SEMA3D: variants seen among roughly 807,000 people sequenced by gnomAD.
SEMA3D encodes semaphorin 3D, also known as semaphorin-3D.
Under a neutral mutation model 100.1 loss-of-function variants are expected in SEMA3D, and 84 were observed. The ratio of observed to expected loss-of-function variants is 0.84; its 90% CI spans 0.70 to 1.01. The LOEUF (loss-of-function observed/expected upper bound fraction) is 1.01, where lower values mean the gene tolerates loss of function less well. Among genes scored for constraint, SEMA3D ranks in the 50% least tolerant of loss-of-function variants. The pLI is 0.00. For synonymous variants in SEMA3D, 312 were observed against 320.7 expected (o/e 0.97, Z 0.29); for missense variants, 875 against 934.1 (o/e 0.94, Z 0.82).
At chr7:85,064,833 T>C (rs955082871) in intron 8 of SEMA3D, among the ~76,000 whole-genome samples, 1 of 152,138 alleles carries the variant, frequency 6.6e-6, no homozygotes, top group Non-Finnish European at 1.5e-5. Context: ...AATTTGAAAC[T>C]CAAAATATTG....
intron 4 of SEMA3D, among the ~76,000 whole-genome samples, chr7:85,090,714 C>T (rs978383057): frequency 6.6e-6 from 1 of 152,042 alleles, no homozygotes; most frequent in Admixed American, 6.6e-5. Flanking sequence ...GAACATCATT[C>T]TGATTTATAA....
At chr7:85,151,092 C>A (rs1438375929) in intron 2 of SEMA3D, among the ~76,000 whole-genome samples, 1 of 147,130 alleles carries the variant, frequency 6.8e-6, no homozygotes, top group Non-Finnish European at 1.5e-5. Flanking sequence ...TAAAAAAAAT[C>A]CACACACACA....
At position 85,138,639 on chromosome 7, in the gene SEMA3D, TATATATATTTAATTTA is replaced by T. The variant is rs538982280; in HGVS notation, c.-41+14953_-41+14968del. ...ATAATTTATAATATATAAATTAAAT[TATATATATTTAATTTA>T]ATATATATATTAAATTAAATATATA... On this transcript the variant is annotated intron_variant, in intron 2 of 18. Transcript: ENST00000284136. Among the ~76,000 whole-genome samples the T allele has an allele frequency of 1.2e-3, 142 of 115,438 alleles. 1 individual carries two copies. The East Asian group carries it at 0.024, about 20-fold the overall frequency. The allele number at this position is 115,438 out of a possible 152,430, so 75.7% of individuals were successfully genotyped here.
chr7:85,136,343 A>G (rs2116448578), intron 2 of SEMA3D, among the ~76,000 whole-genome samples: 1 of 152,220 alleles, frequency 6.6e-6, no homozygotes, highest in East Asian at 1.9e-4. Flanking sequence ...TGACTTCTGT[A>G]CTATTTTACT....
intron 1 of SEMA3D, among the ~76,000 whole-genome samples, chr7:85,171,791 G>T (rs998751154): frequency 4.6e-5 from 7 of 151,888 alleles, no homozygotes; most frequent in Non-Finnish European, 5.9e-5. Flanking sequence ...AGGAATGAGT[G>T]AATTTATATA....
chr7:85,042,606 A>AT lies in SEMA3D; in HGVS notation c.862-322dup, dbSNP rs201293147. On this transcript the variant is annotated intron_variant, in intron 9 of 18. Coordinates refer to ENST00000284136, the MANE Select transcript of SEMA3D (RefSeq NM_001384900.1). ...TTTGCTTCATGACCTGCAAGAGACTATTTTTTTTAAGTCTCTGTTTTCTCA... is the reference window on the plus strand; with the variant it reads ...TTTGCTTCATGACCTGCAAGAGACTATTTTTTTTTAAGTCTCTGTTTTCTCA... Among the ~76,000 whole-genome samples, 185 of 152,136 alleles carry AT rather than the reference A, an allele frequency of 1.2e-3. 1 individual carries two copies. Among genetic ancestry groups the AT allele is most frequent in the Non-Finnish European group, 2.1e-3 (142 of 67,970 alleles).
At chr7:85,014,285 T>C (rs1790036471) in intron 16 of SEMA3D, among the ~76,000 whole-genome samples, 1 of 151,814 alleles carries the variant, frequency 6.6e-6, no homozygotes, top group African/African-American at 2.4e-5. Context: ...CTTTAGAAAA[T>C]AATGTTACTA....
chr7:85,102,688 G>T (rs1056137176), intron 3 of SEMA3D, among the ~76,000 whole-genome samples: 1 of 151,982 alleles, frequency 6.6e-6, no homozygotes, highest in Non-Finnish European at 1.5e-5. Context: ...GGAAAGGTGG[G>T]GTCAGGAAGA....
At chr7:85,208,280 G>A in the SEMA3D span, among the ~76,000 whole-genome samples, 1,149 of 151,788 alleles carry the variant, frequency 7.6e-3, 13 homozygotes, top group African/African-American at 0.027. Flanking sequence ...AAATTTAAAC[G>A]TCTCTGAATG....
At chr7:85,154,188 C>G (rs1790515289) in intron 1 of SEMA3D, among the ~76,000 whole-genome samples, 1 of 151,926 alleles carries the variant, frequency 6.6e-6, no homozygotes, top group South Asian at 2.1e-4. Flanking sequence ...TTTCCTGTGC[C>G]TGCTAAACTA....
At position 85,106,196 on chromosome 7, in the gene SEMA3D, C is replaced by T. The variant is rs371642750; in HGVS notation, c.152-8231G>A. ...AAAGTTGAGAGTATCATTCTGAGCA[C>T]GATTGATACTACTTTTACAATTGCT... On this transcript the variant is annotated intron_variant, in intron 3 of 18. Transcript: ENST00000284136. Among the ~76,000 whole-genome samples the T allele has an allele frequency of 3.3e-5, 5 of 152,060 alleles. No individual in the cohort carries two copies. In the East Asian group the frequency reaches 7.8e-4, roughly 24 times the overall value.
chr7:85,245,937 T>A, the SEMA3D span, among the ~76,000 whole-genome samples: 1 of 152,018 alleles, frequency 6.6e-6, no homozygotes, highest in Non-Finnish European at 1.5e-5. Flanking sequence ...AACAAGTAAA[T>A]CTGCTGGAAA....
intron 7 of SEMA3D, among the ~76,000 whole-genome samples, chr7:85,066,591 T>G (rs1791627697): frequency 6.6e-6 from 1 of 152,000 alleles, no homozygotes; most frequent in African/African-American, 2.4e-5. Flanking sequence ...CTCTACTATT[T>G]CAAGAAACTT....
intron 1 of SEMA3D, among the ~76,000 whole-genome samples, chr7:85,165,459 A>T (rs1161724493): frequency 6.6e-6 from 1 of 152,076 alleles, no homozygotes; most frequent in Non-Finnish European, 1.5e-5. Context: ...ACACGGGCTA[A>T]ACTGCAAAGT....
At chr7:85,057,442 G>A (rs557868771) in intron 8 of SEMA3D, among the ~76,000 whole-genome samples, 28 of 152,136 alleles carry the variant, frequency 1.8e-4, no homozygotes, top group Non-Finnish European at 3.1e-4. Context: ...AGAAGCAAGA[G>A]AAAAGAGAAG....
At chr7:85,157,753 G>T in intron 1 of SEMA3D, 1 of 413,124 alleles carries the variant, frequency 2.4e-6, no homozygotes, top group Non-Finnish European at 3.3e-6. Flanking sequence ...CAGTCTTCAC[G>T]TTTTCACTTC....
intron 1 of SEMA3D, among the ~76,000 whole-genome samples, chr7:85,163,523 C>A (rs770819901): frequency 6.6e-5 from 10 of 151,914 alleles, no homozygotes; most frequent in Admixed American, 1.3e-4. Flanking sequence ...AATCAACTCT[C>A]CAACAGAAAG....
the SEMA3D span, among the ~76,000 whole-genome samples, chr7:85,201,004 G>A: frequency 6.6e-6 from 1 of 152,154 alleles, no homozygotes; most frequent in Non-Finnish European, 1.5e-5. Flanking sequence ...TATTTGCCTA[G>A]ACCAGCAATA....
chr7:85,171,769 T>A (rs1258951682), intron 1 of SEMA3D, among the ~76,000 whole-genome samples: 1 of 151,800 alleles, frequency 6.6e-6, no homozygotes, highest in Non-Finnish European at 1.5e-5. Context: ...AAGTAATAAA[T>A]AAAATTACAT....
Sources: gnomAD v4.1 joint callset for allele counts (sites outside exome capture counted in the v4.1 genomes callset) on GRCh38, gnomAD v4.1.1 for gene constraint, MANE v1.5 for transcripts, NCBI Gene and HGNC (gene_info 2026-07-23, HGNC 2026-07-21) for gene names.